Variants in CLUAP1 observed in about 807,000 individuals in gnomAD.
CLUAP1 encodes clusterin-associated protein 1.
In CLUAP1, 50 loss-of-function variants were observed where a neutral mutation model predicts 55.0. The ratio of observed to expected loss-of-function variants is 0.91; its 90% confidence interval spans 0.72 to 1.15. CLUAP1 has a LOEUF of 1.15. Among genes scored for constraint, CLUAP1 ranks in the 50% most tolerant of loss-of-function variants. The probability of loss-of-function intolerance (pLI) is 0.00; values close to 1 mark genes in which losing one functional copy is unlikely to be tolerated. For synonymous variants in CLUAP1, 195 were observed against 175.4 expected (o/e 1.11, Z -0.88); for missense variants, 530 against 507.6 (o/e 1.04, Z -0.42).
chr16:3,523,011 A>G, intron 7 of CLUAP1, 147 bp from the exon 8 acceptor site: 1 of 537,974 alleles, frequency 1.9e-6, no homozygotes, highest in Non-Finnish European at 3.0e-6. Context: ...GAAAAGGGAA[A>G]ATATTTTTAA....
chr16:3,519,139 C>G (rs1054439257), intron 6 of CLUAP1, among the ~76,000 whole-genome samples: 2 of 152,212 alleles, frequency 1.3e-5, no homozygotes, highest in Non-Finnish European at 2.9e-5. Context: ...ACCAGTGACT[C>G]TACCTGCTTC....
intron 9 of CLUAP1, among the ~76,000 whole-genome samples, chr16:3,529,486 A>T (rs2038021293): frequency 1.2e-5 from 1 of 81,258 alleles, no homozygotes; most frequent in Non-Finnish European, 2.2e-5. Context: ...TATATATTAT[A>T]TAATTATATT....
At chr16:3,529,337 T>C (rs933435557) in intron 9 of CLUAP1, among the ~76,000 whole-genome samples, 13 of 135,372 alleles carry the variant, frequency 9.6e-5, no homozygotes, top group African/African-American at 3.6e-4. Flanking sequence ...GCTGAACCCA[T>C]GGATGTGAAA....
intron 9 of CLUAP1, among the ~76,000 whole-genome samples, chr16:3,527,066 G>C (rs62037029): frequency 6.6e-6 from 1 of 152,122 alleles, no homozygotes; most frequent in Non-Finnish European, 1.5e-5. Flanking sequence ...CCTAGATTCC[G>C]GGAAGGAGCT....
chr16:3,517,318 A>T (rs774184228), intron 6 of CLUAP1, among the ~76,000 whole-genome samples: 22 of 151,370 alleles, frequency 1.5e-4, no homozygotes, highest in Non-Finnish European at 2.7e-4. Context: ...TTATTTGTTT[A>T]TTTTTTTAGA....
chr16:3,538,080 G>C lies in CLUAP1; in HGVS notation c.*1809G>C, dbSNP rs919167502. 2 of 147,672 alleles carry C rather than the reference G, an allele frequency of 1.4e-5. No individual in the cohort carries two copies. The highest frequency in any genetic ancestry group is 5.0e-5 in the African/African-American group (2 of 39,824). 9.1% of individuals were successfully genotyped at this position (147,672 alleles called of 1,614,324 possible). A position where few individuals can be genotyped will look rare whatever the true frequency, so the allele number is the denominator to read the frequency against. On this transcript the variant is annotated 3_prime_UTR_variant, in exon 12 of 12. Coordinates refer to ENST00000576634, the MANE Select transcript of CLUAP1 (RefSeq NM_015041.3). ...CACTTATTTTACAATTAAAAAGTCA[G>C]AAGACTTCTGAAGTTACTTATCTTT...
At chr16:3,498,101 G>T (rs1030000322), upstream of CLUAP1, among the ~76,000 whole-genome samples, 1 of 152,086 alleles carries the variant, frequency 6.6e-6, no homozygotes. Context: ...GGGTAGGGGT[G>T]GGGGTGAGGG....
chr16:3,522,652 A>G (rs939310490), intron 7 of CLUAP1, among the ~76,000 whole-genome samples: 1 of 151,938 alleles, frequency 6.6e-6, no homozygotes, highest in African/African-American at 2.4e-5. Flanking sequence ...CCAGGGCTCA[A>G]TCCTCCTCCT....
chr16:3,530,789 C>G, intron 10 of CLUAP1, 114 bp downstream of exon 10: 1 of 708,090 alleles, frequency 1.4e-6, no homozygotes, highest in East Asian at 2.7e-5. Flanking sequence ...TGCGAATGGC[C>G]CCTAGAAGCA....
intron 2 of CLUAP1, among the ~76,000 whole-genome samples, chr16:3,505,910 GC>G (rs1366510426): frequency 3.7e-4 from 56 of 152,140 alleles, no homozygotes; most frequent in Admixed American, 2.8e-3. Flanking sequence ...TAGCTTGCAG[GC>G]TGTACAGGTC....
intron 8 of CLUAP1, among the ~76,000 whole-genome samples, chr16:3,524,596 C>CAAAA (rs755040158): frequency 0.015 from 465 of 31,338 alleles, no homozygotes; most frequent in Non-Finnish European, 0.024. Flanking sequence ...GACACCATCT[C>CAAAA]AAAAAAAAAA....
In CLUAP1 at chr16:3,532,857, C is replaced by T. The variant is rs187961036; in HGVS notation, c.1092+16C>T. Reference sequence around the variant, plus strand: ...CGATGACAATGTAAGTCCCCCGCTCCCCTCAGTGGTTCTGTGCACTCTGGG... The same window carrying T: ...CGATGACAATGTAAGTCCCCCGCTCTCCTCAGTGGTTCTGTGCACTCTGGG... On this transcript the variant is annotated intron_variant, in intron 11 of 11. Transcript: ENST00000576634. 6.8e-6 allele frequency: 11 copies of T among 1,613,806 alleles called. No individual in the cohort carries two copies. The East Asian group carries it at 2.0e-4, about 29-fold the overall frequency.
At chr16:3,505,773 G>A (rs570113220) in intron 2 of CLUAP1, among the ~76,000 whole-genome samples, 15 of 152,300 alleles carry the variant, frequency 9.8e-5, no homozygotes, top group Non-Finnish European at 1.9e-4. Flanking sequence ...AATTGAATAT[G>A]TTATATGATT....
chr16:3,532,403 CTTTTTTTTTTTTTTT>C (rs58037008), intron 10 of CLUAP1, among the ~76,000 whole-genome samples: 1 of 50,728 alleles, frequency 2.0e-5, no homozygotes, highest in Non-Finnish European at 3.5e-5. Context: ...AGCACAGTTG[CTTTTTTTTTTTTTTT>C]TTTTTTTTTT....
chr16:3,512,520 T>G, intron 5 of CLUAP1, 42 bp downstream of exon 5: 1 of 1,462,576 alleles, frequency 6.8e-7, no homozygotes, highest in South Asian at 1.2e-5. Context: ...GATTTTCTCT[T>G]CAAGGTTTTC....
intron 4 of CLUAP1, 119 bp downstream of exon 4, chr16:3,508,587 C>A: frequency 1.2e-6 from 1 of 820,648 alleles, no homozygotes; most frequent in Non-Finnish European, 1.8e-6. Context: ...GGCAGTTTGT[C>A]AGTTTTGTGC....
Position 3,512,432 on chromosome 16 carries a change from A to G in CLUAP1, c.449A>G (p.Lys150Arg). ...ARQLASEITS[K>R]GASLYDLLGM... ...CAGCTTGCGTCTGAAATCACCTCCA[A>G]AGGAGCATCTCTGTATGACTTGCTC... The change falls in exon 5 of 12, where the codon AAA becomes AGA. Residue 150 changes from lysine to arginine, a missense_variant. Lys to Arg is a conservative substitution (Grantham distance 26). Coordinates refer to ENST00000576634, the MANE Select transcript of CLUAP1 (RefSeq NM_015041.3). The G allele has an allele frequency of 6.2e-7, 1 of 1,614,122 alleles. No homozygotes were observed. Among genetic ancestry groups the G allele is most frequent in the Non-Finnish European group, 8.5e-7 (1 of 1,179,974 alleles).
At chr16:3,528,073 G>A (rs115508760) in intron 9 of CLUAP1, among the ~76,000 whole-genome samples, 1,986 of 152,230 alleles carry the variant, frequency 0.013, 48 homozygotes, top group African/African-American at 0.046. Context: ...TCTGCACATG[G>A]GGAGAAAACC....
At position 3,526,450 on chromosome 16, in the gene CLUAP1, C is replaced by A. The variant is rs1354897593; in HGVS notation, c.894C>A (p.Leu298=). 6.2e-7 allele frequency: 1 copy of A among 1,609,142 alleles called. No individual in the cohort carries two copies. Among genetic ancestry groups the A allele is most frequent in the South Asian group, 1.1e-5 (1 of 89,922 alleles). Residue 298 remains leucine (L), a synonymous_variant, in exon 9 of 12, where the codon CTC becomes CTA. Transcript: ENST00000576634. The stretch of plus-strand genomic sequence containing the variant: ...CTCTCTGCCTGATACAGAACAAGCT[C>A]AAGGAGGAAGAGAAGCGCCTGCTCA... ...KNTLCLIQNK[L]KEEEKRLLKS... is the part of the protein sequence containing the mutation.
Sources: gnomAD v4.1 joint callset for allele counts (sites outside exome capture counted in the v4.1 genomes callset) on GRCh38, gnomAD v4.1.1 for gene constraint, MANE v1.5 for transcripts, NCBI Gene and HGNC (gene_info 2026-07-23, HGNC 2026-07-21) for gene names.